The following TTC39C variants were observed in gnomAD, a reference collection of about 807,000 sequenced individuals.
The protein encoded by TTC39C is tetratricopeptide repeat protein 39C.
TTC39C carries 33 observed loss-of-function variants against 76.3 expected under a neutral mutation model. That is an observed-to-expected ratio of 0.43 (90% CI 0.33 to 0.58). The LOEUF is 0.58. TTC39C is among the 20% of genes least tolerant of loss of function. The pLI is 0.04. For missense variants in TTC39C, 595 were observed against 701.4 expected, an observed-to-expected ratio of 0.85 and a Z score of 1.71; for synonymous variants, 254 against 260.6, an observed-to-expected ratio of 0.97 and a Z score of 0.24.
chr18:24,022,611 G>A (rs1389979109), intron 1 of TTC39C: 1 of 985,372 alleles, frequency 1.0e-6, no homozygotes, highest in Non-Finnish European at 1.2e-6. Context: ...TCAGTAATAT[G>A]CAGATTGCAC....
chr18:24,131,820 A>G, intron 12 of TTC39C, 62 bp from the exon 13 acceptor site: 2 of 1,431,192 alleles, frequency 1.4e-6, no homozygotes, highest in Non-Finnish European at 9.7e-7. Flanking sequence ...CTCCTATTAT[A>G]CCATTTTCTG....
upstream of TTC39C, among the ~76,000 whole-genome samples, chr18:24,011,431 T>C (rs753498442): frequency 6.6e-6 from 1 of 152,180 alleles, no homozygotes; most frequent in South Asian, 2.1e-4. Context: ...CAAAAACCTT[T>C]TGGGACCAGG....
At chr18:23,998,686 T>TTTATA in intron 1 of TTC39C, among the ~76,000 whole-genome samples, 1 of 152,184 alleles carries the variant, frequency 6.6e-6, no homozygotes, top group Non-Finnish European at 1.5e-5. Context: ...ATAAAGGTAT[T>TTTATA]TACACATCCC....
chr18:24,055,992 G>T (rs1358530176), intron 1 of TTC39C, among the ~76,000 whole-genome samples: 1 of 152,150 alleles, frequency 6.6e-6, no homozygotes, highest in East Asian at 1.9e-4. Context: ...CATTTTTGAT[G>T]ATAACAAGCA....
chr18:24,048,123 T>C (rs1322690181), intron 1 of TTC39C, among the ~76,000 whole-genome samples: 1 of 152,204 alleles, frequency 6.6e-6, no homozygotes, highest in Non-Finnish European at 1.5e-5. Context: ...TATACGTAGG[T>C]TTTATCTATT....
intron 6 of TTC39C, among the ~76,000 whole-genome samples, chr18:24,098,414 CTCCT>C (rs1345784860): frequency 6.7e-5 from 5 of 74,474 alleles, no homozygotes; most frequent in South Asian, 6.9e-4. Flanking sequence ...CCCTCCCTCC[CTCCT>C]TCCTTCCTTC....
intron 1 of TTC39C, among the ~76,000 whole-genome samples, chr18:24,061,739 T>A (rs562035401): frequency 6.6e-6 from 1 of 152,076 alleles, no homozygotes; most frequent in Admixed American, 6.5e-5. Context: ...CCCGTCTGTA[T>A]TAAAAATACA....
chr18:24,104,761 TAC>T (rs1227553206), intron 6 of TTC39C, among the ~76,000 whole-genome samples: 1 of 150,332 alleles, frequency 6.7e-6, no homozygotes, highest in Non-Finnish European at 1.5e-5. Flanking sequence ...GAATACAAAG[TAC>T]AGTCTCTTGT....
chr18:24,119,675 A>G (rs1270936770), intron 8 of TTC39C, among the ~76,000 whole-genome samples: 3 of 152,138 alleles, frequency 2.0e-5, no homozygotes, highest in Non-Finnish European at 2.9e-5. Context: ...TATTTTTCAT[A>G]TACTGGATAA....
At chr18:24,024,009 TA>T (rs1568409139) in intron 1 of TTC39C, among the ~76,000 whole-genome samples, 2 of 24,262 alleles carry the variant, frequency 8.2e-5, no homozygotes, top group African/African-American at 5.5e-4. Flanking sequence ...TATATATATA[TA>T]TATATATTTT....
At chr18:24,029,660 C>T (rs1021567903) in intron 1 of TTC39C, among the ~76,000 whole-genome samples, 1 of 131,740 alleles carries the variant, frequency 7.6e-6, no homozygotes, top group Non-Finnish European at 1.6e-5. Context: ...CAGCCTCCCA[C>T]CCTTCCCCCG....
At chr18:23,997,753 GTAATT>G (rs1366753476) in intron 1 of TTC39C, among the ~76,000 whole-genome samples, 1 of 151,428 alleles carries the variant, frequency 6.6e-6, no homozygotes, top group Non-Finnish European at 1.5e-5. Flanking sequence ...GCATGTGCCT[GTAATT>G]TCAGCTACTC....
At chr18:24,027,921 G>T (rs2145669810) in intron 1 of TTC39C, among the ~76,000 whole-genome samples, 1 of 152,150 alleles carries the variant, frequency 6.6e-6, no homozygotes, top group South Asian at 2.1e-4. Flanking sequence ...GCCTACAGTT[G>T]TTGAAGGAAT....
chr18:24,073,998 A>G (rs187301891), intron 4 of TTC39C, among the ~76,000 whole-genome samples: 10 of 152,348 alleles, frequency 6.6e-5, no homozygotes, highest in Non-Finnish European at 1.5e-5. Context: ...TATGTTGAGC[A>G]TTTCCTATGT....
intron 6 of TTC39C, among the ~76,000 whole-genome samples, chr18:24,094,849 C>T (rs889466552): frequency 6.6e-6 from 1 of 152,128 alleles, no homozygotes; most frequent in Non-Finnish European, 1.5e-5. Context: ...TCTGAAGGGC[C>T]CTATGATTTT....
chr18:24,126,685 G>A (rs950393917), intron 10 of TTC39C, among the ~76,000 whole-genome samples: 2 of 145,656 alleles, frequency 1.4e-5, no homozygotes, highest in African/African-American at 5.1e-5. Flanking sequence ...GTCTCATTCT[G>A]TTGCCCAGGC....
upstream of TTC39C, among the ~76,000 whole-genome samples, chr18:24,012,765 G>A (rs2083402948): frequency 6.6e-6 from 1 of 151,936 alleles, no homozygotes; most frequent in South Asian, 2.1e-4. Flanking sequence ...TGTGGCCAGG[G>A]GAGCCCTCCA....
chr18:24,047,517 G>A (rs577395233), intron 1 of TTC39C, among the ~76,000 whole-genome samples: 10 of 152,118 alleles, frequency 6.6e-5, no homozygotes, highest in Non-Finnish European at 1.3e-4. Context: ...ATCATAAGAT[G>A]TCATTCTTAG....
chr18:24,046,126 G>C (rs1288096937), intron 1 of TTC39C, among the ~76,000 whole-genome samples: 2 of 151,238 alleles, frequency 1.3e-5, no homozygotes, highest in African/African-American at 2.4e-5. Context: ...TTTTAGTAGA[G>C]ATGGGGTTTC....
Sources: gnomAD v4.1 joint callset for allele counts (sites outside exome capture counted in the v4.1 genomes callset) on GRCh38, gnomAD v4.1.1 for gene constraint, MANE v1.5 for transcripts, NCBI Gene and HGNC (gene_info 2026-07-23, HGNC 2026-07-21) for gene names.